The following ST8SIA4 variants were observed in gnomAD, a reference collection of about 807,000 sequenced individuals.
The protein encoded by ST8SIA4 is CMP-N-acetylneuraminate-poly-alpha-2,8-sialyltransferase.
In ST8SIA4, 15 loss-of-function variants were observed where a neutral mutation model predicts 33.9. The observed-to-expected ratio is 0.44, with a 90% CI of 0.30 to 0.68. The LOEUF is 0.68. Among genes scored for constraint, ST8SIA4 ranks in the 30% least tolerant of loss-of-function variants. The pLI, the probability that ST8SIA4 is intolerant of heterozygous loss-of-function variation, is 0.10. For missense variants in ST8SIA4, 321 were observed against 428.0 expected, an observed-to-expected ratio of 0.75 and a Z score of 2.21; for synonymous variants, 171 against 151.2, an observed-to-expected ratio of 1.13 and a Z score of -0.96.
chr5:100,886,315 C>T, intron 3 of ST8SIA4, 28 bp downstream of exon 3: 1 of 1,592,202 alleles, frequency 6.3e-7, no homozygotes. Context: ...GAAAAACTTA[C>T]AATCTCAAAA....
intron 2 of ST8SIA4, among the ~76,000 whole-genome samples, chr5:100,893,509 C>T (rs1004787889): frequency 6.6e-6 from 1 of 152,064 alleles, no homozygotes; most frequent in African/African-American, 2.4e-5. Context: ...AAATAGATCA[C>T]CCTCAAATAC....
chr5:100,845,932 C>T (rs1751560519), intron 4 of ST8SIA4, among the ~76,000 whole-genome samples: 1 of 151,838 alleles, frequency 6.6e-6, no homozygotes, highest in African/African-American at 2.4e-5. Flanking sequence ...CTGGATGCTC[C>T]CATGCGTCAT....
intron 2 of ST8SIA4, among the ~76,000 whole-genome samples, chr5:100,891,736 C>T (rs1321878698): frequency 6.6e-6 from 1 of 151,758 alleles, no homozygotes; most frequent in Admixed American, 6.6e-5. Flanking sequence ...TAATAATATA[C>T]ATTTGGGTAC....
intron 1 of ST8SIA4, among the ~76,000 whole-genome samples, chr5:100,899,492 T>C (rs890686942): frequency 2.0e-5 from 3 of 152,218 alleles, no homozygotes; most frequent in African/African-American, 7.2e-5. Flanking sequence ...TTCAATTTTA[T>C]CATAGGTTTT....
intron 4 of ST8SIA4, among the ~76,000 whole-genome samples, chr5:100,838,121 T>C (rs1375272053): frequency 6.6e-6 from 1 of 151,972 alleles, no homozygotes; most frequent in African/African-American, 2.4e-5. Flanking sequence ...AAGCGGTACA[T>C]GGGACTGTGA....
At chr5:100,849,956 C>G (rs1281171427) in intron 4 of ST8SIA4, among the ~76,000 whole-genome samples, 1 of 152,162 alleles carries the variant, frequency 6.6e-6, no homozygotes, top group Non-Finnish European at 1.5e-5. Context: ...ACATATTCGT[C>G]CTTTGCAATC....
chr5:100,810,684 A>C lies in ST8SIA4; in HGVS notation c.*1163T>G, dbSNP rs1750796527. Reference sequence around the variant, plus strand: ...TAATATATTATTTTCATGAAAGAAAAATGGTTTGCTGTGTAGAAACACAAG... The same window carrying C: ...TAATATATTATTTTCATGAAAGAAACATGGTTTGCTGTGTAGAAACACAAG... On this transcript the variant is annotated 3_prime_UTR_variant, in exon 5 of 5. Coordinates refer to ENST00000231461, the MANE Select transcript of ST8SIA4 (RefSeq NM_005668.6). 1 of 152,576 alleles carries C rather than the reference A, an allele frequency of 6.6e-6. No homozygotes were observed. The highest frequency in any genetic ancestry group is 2.4e-5 in the African/African-American group (1 of 41,422). The allele number at this position is 152,576 out of a possible 1,614,324, so 9.5% of individuals were successfully genotyped here.
At chr5:100,895,615 A>T (rs1752763126) in intron 2 of ST8SIA4, 39 bp downstream of exon 2, 2 of 1,587,398 alleles carry the variant, frequency 1.3e-6, no homozygotes, top group African/African-American at 1.4e-5. Flanking sequence ...ATTTGAGAAC[A>T]TGATGTGAAA....
chr5:100,888,493 G>A (rs1490575678), intron 2 of ST8SIA4, among the ~76,000 whole-genome samples: 1 of 151,726 alleles, frequency 6.6e-6, no homozygotes, highest in African/African-American at 2.4e-5. Context: ...TTTGGAAATT[G>A]GATATTATTT....
intron 4 of ST8SIA4, among the ~76,000 whole-genome samples, chr5:100,828,550 G>T (rs1047364891): frequency 1.3e-5 from 2 of 152,134 alleles, no homozygotes; most frequent in African/African-American, 2.4e-5. Flanking sequence ...TTCTAATCAC[G>T]TCTTTGCTAA....
chr5:100,899,124 ATTCCACCCT>A (rs1752841893), intron 1 of ST8SIA4, among the ~76,000 whole-genome samples: 1 of 152,212 alleles, frequency 6.6e-6, no homozygotes, highest in Admixed American at 6.5e-5. Flanking sequence ...AAAGCCCCGT[ATTCCACCCT>A]ACTGAAACTC....
chr5:100,812,073 T>C lies in ST8SIA4; in HGVS notation c.854A>G (p.Tyr285Cys), dbSNP rs1402155916. 1 of 1,614,108 alleles carries C rather than the reference T, an allele frequency of 6.2e-7. No homozygotes were observed. Among genetic ancestry groups the C allele is most frequent in the Non-Finnish European group, 8.5e-7 (1 of 1,179,994 alleles). The change falls in exon 5 of 5, where the codon TAT becomes TGT. Residue 285 changes from tyrosine (Y) to cysteine (C), a missense_variant. By Grantham distance (194) the Tyr-to-Cys change is radical. Transcript: ENST00000231461. ...ATCACAGAATCTTGTGGCAAGTGTA[T>C]ACATGAGAAGACCTGTGCTGGGTCT... is the stretch of plus-strand genomic sequence containing the variant. The part of the protein sequence containing the change: ...IKRPSTGLLM[Y>C]TLATRFCDEI...
At chr5:100,879,985 T>G (rs984680326) in intron 3 of ST8SIA4, among the ~76,000 whole-genome samples, 1 of 152,094 alleles carries the variant, frequency 6.6e-6, no homozygotes, top group African/African-American at 2.4e-5. Flanking sequence ...AGTACATTAT[T>G]ATGGTAATAT....
At chr5:100,855,997 A>C (rs1404351920) in intron 4 of ST8SIA4, 106 bp downstream of exon 4, 3 of 1,002,578 alleles carry the variant, frequency 3.0e-6, no homozygotes, top group South Asian at 3.3e-5. Flanking sequence ...ACGGAAACAT[A>C]TATCCATTTG....
At chr5:100,871,183 A>G (rs1752191424) in intron 3 of ST8SIA4, among the ~76,000 whole-genome samples, 1 of 152,034 alleles carries the variant, frequency 6.6e-6, no homozygotes, top group Admixed American at 6.6e-5. Context: ...CTGTTCCAGA[A>G]AAGTCTATTT....
At chr5:100,863,259 T>C (rs3776168) in intron 3 of ST8SIA4, among the ~76,000 whole-genome samples, 58,739 of 151,994 alleles carry the variant, frequency 0.39, 11,809 homozygotes, top group African/African-American at 0.49. Flanking sequence ...AGATTTCCTA[T>C]GATGGAAGTG....
intron 1 of ST8SIA4, among the ~76,000 whole-genome samples, chr5:100,899,977 T>TA (rs1343674727): frequency 3.3e-5 from 5 of 152,298 alleles, no homozygotes; most frequent in African/African-American, 9.6e-5. Context: ...CTTATGTATT[T>TA]AAAAAAACAT....
At chr5:100,890,651 C>A (rs536519412) in intron 2 of ST8SIA4, 3 of 151,748 alleles carry the variant, frequency 2.0e-5, no homozygotes, top group Non-Finnish European at 4.4e-5. Flanking sequence ...GTGCATGACT[C>A]AAAAGAACAA....
intron 4 of ST8SIA4, among the ~76,000 whole-genome samples, chr5:100,829,275 T>A (rs1198373362): frequency 6.6e-6 from 1 of 152,190 alleles, no homozygotes; most frequent in Non-Finnish European, 1.5e-5. Context: ...TAGTTATCTA[T>A]CGGTTTGATC....
Sources: allele counts gnomAD v4.1 joint callset (sites outside exome capture counted in the v4.1 genomes callset), GRCh38; gene constraint gnomAD v4.1.1; transcripts MANE v1.5; gene names NCBI Gene and HGNC (gene_info 2026-07-23, HGNC 2026-07-21).